The following MYO18A variants were observed in gnomAD, a reference collection of about 807,000 sequenced individuals.
The protein encoded by MYO18A is myosin XVIIIA.
In MYO18A, 78 loss-of-function variants were observed where a neutral mutation model predicts 235.8. The ratio of observed to expected loss-of-function variants is 0.33; its 90% CI spans 0.28 to 0.40. MYO18A has a LOEUF of 0.40. Ranked by LOEUF, MYO18A falls within the 10% of genes least tolerant of loss-of-function variation. The pLI is 1.00. For missense variants in MYO18A, 2,215 were observed against 2,699.3 expected (o/e 0.82, Z 3.98); for synonymous variants, 977 against 1,077.8 (o/e 0.91, Z 1.83).
intron 2 of MYO18A, among the ~76,000 whole-genome samples, chr17:29,144,955 A>G (rs1334812956): frequency 6.6e-6 from 1 of 152,242 alleles, no homozygotes; most frequent in African/African-American, 2.4e-5. Context: ...GCTGCAGGAA[A>G]GCATAATAGT....
chr17:29,111,789 C>T lies in MYO18A; in HGVS notation c.2673G>A (p.Gly891=). 1 of 1,613,810 alleles carries T rather than the reference C, an allele frequency of 6.2e-7. No individual in the cohort carries two copies. The highest frequency in any genetic ancestry group is 8.5e-7 in the Non-Finnish European group (1 of 1,179,782). ...WLLEEEALVP[G]ASEDTLLERL... The stretch of plus-strand genomic sequence containing the variant: ...GCTCCAGGAGGGTGTCCTCACTGGC[C>T]CCTGGCACCAGAGCCTCCTCTTCCA... Residue 891 remains glycine, a synonymous_variant, in exon 16 of 42, where the codon GGG becomes GGA. Coordinates refer to ENST00000527372, the MANE Select transcript of MYO18A (RefSeq NM_078471.4). The surrounding 1 kb of genome is among the most constrained non-coding windows in gnomAD (Gnocchi z 5.1).
intron 22 of MYO18A, 102 bp from the exon 23 acceptor site, chr17:29,099,071 T>A: frequency 6.9e-7 from 1 of 1,450,270 alleles, no homozygotes; most frequent in Non-Finnish European, 9.4e-7. Context: ...CCAGGGCTGC[T>A]CCTCTGGCCC....
intron 1 of MYO18A, among the ~76,000 whole-genome samples, chr17:29,176,101 A>C (rs1486421453): frequency 6.6e-6 from 1 of 152,186 alleles, no homozygotes; most frequent in Admixed American, 6.5e-5. Context: ...AAAATTTATC[A>C]GTGGTCATCT....
intron 32 of MYO18A, 59 bp downstream of exon 32, chr17:29,093,264 C>G: frequency 3.4e-6 from 5 of 1,454,346 alleles, no homozygotes; most frequent in Non-Finnish European, 4.7e-6. Context: ...AGGATCCCCA[C>G]TCCTCAGGCC....
At chr17:29,148,702 C>T (rs1265276026) in intron 2 of MYO18A, among the ~76,000 whole-genome samples, 1 of 152,072 alleles carries the variant, frequency 6.6e-6, no homozygotes, top group Non-Finnish European at 1.5e-5. Flanking sequence ...TTATGAAATT[C>T]TACCAGTGCC....
At position 29,096,752 on chromosome 17, in the gene MYO18A, C is replaced by T. The variant is rs1433118079; in HGVS notation, c.4385+9G>A. 2 of 1,588,498 alleles carry T rather than the reference C, an allele frequency of 1.3e-6. No homozygotes were observed. The highest frequency in any genetic ancestry group is 1.3e-5 in the African/African-American group (1 of 74,290). On this transcript the variant is annotated intron_variant, in intron 28 of 41. Coordinates refer to ENST00000527372, the MANE Select transcript of MYO18A (RefSeq NM_078471.4). ...GGTTCTCTGGGCCCAGGGCAGGGGG[C>T]CCACCCACCTCCTCTGCTTCTTCTC...
chr17:29,092,334 G>A lies in MYO18A; in HGVS notation c.5187+9C>T. ...CCCGAGCTCTGCCCCGGGCACCTTG[G>A]CCCCTCACCGCTGTCTTGGCTTTGG... is the stretch of plus-strand genomic sequence containing the variant. On this transcript the variant is annotated intron_variant, in intron 34 of 41. Coordinates refer to ENST00000527372, the MANE Select transcript of MYO18A (RefSeq NM_078471.4). 2 of 1,604,508 alleles carry A rather than the reference G, an allele frequency of 1.2e-6. No individual in the cohort carries two copies. Among genetic ancestry groups the A allele is most frequent in the Non-Finnish European group, 1.7e-6 (2 of 1,176,742 alleles).
At chr17:29,102,511 T>A (rs894872833) in intron 21 of MYO18A, among the ~76,000 whole-genome samples, 2 of 150,138 alleles carry the variant, frequency 1.3e-5, no homozygotes, top group African/African-American at 4.9e-5. Flanking sequence ...GACACAGAGG[T>A]AGACAAAGCA....
intron 1 of MYO18A, among the ~76,000 whole-genome samples, chr17:29,178,109 G>T (rs1310687202): frequency 1.3e-5 from 2 of 152,146 alleles, no homozygotes; most frequent in Non-Finnish European, 1.5e-5. Flanking sequence ...AGTCCTCAAT[G>T]AATAGCCACT....
chr17:29,179,227 C>G (rs940636216), intron 1 of MYO18A, among the ~76,000 whole-genome samples: 1 of 152,154 alleles, frequency 6.6e-6, no homozygotes, highest in African/African-American at 2.4e-5. Flanking sequence ...AATGAATACC[C>G]GCTCAAAAAC....
rs766447004 is a variant in MYO18A at position 29,087,064 on chromosome 17, G to T, written c.5584C>A (p.Arg1862Ser). Residue 1862 changes from arginine to serine, a missense_variant, in exon 38 of 42, where the codon CGC becomes AGC. Coordinates refer to ENST00000527372, the MANE Select transcript of MYO18A (RefSeq NM_078471.4). ...TTCTCCCGGTTCTCGGCTGCAATGC[G>T]CTGATCCCGCTCCTCAGTCAGCTTC... ...MEKLTEERDQ[R>S]IAAENREKEQ... The T allele has an allele frequency of 3.1e-6, 5 of 1,613,862 alleles. No homozygotes were observed. In the African/African-American group the frequency reaches 6.7e-5, roughly 22 times the overall value.
At chr17:29,101,188 G>A (rs2066644454) in intron 21 of MYO18A, among the ~76,000 whole-genome samples, 1 of 151,840 alleles carries the variant, frequency 6.6e-6, no homozygotes, top group East Asian at 1.9e-4. Flanking sequence ...TGTAGAGATG[G>A]GGTCTCCCTA....
chr17:29,135,712 G>A (rs957730838), intron 2 of MYO18A, among the ~76,000 whole-genome samples: 1 of 152,228 alleles, frequency 6.6e-6, no homozygotes, highest in African/African-American at 2.4e-5. Flanking sequence ...GAACACAGAT[G>A]TGGGGCTCTC....
At position 29,090,842 on chromosome 17, in the gene MYO18A, A is replaced by G. The variant is rs2066380729; in HGVS notation, c.5272T>C (p.Leu1758=). Residue 1758 remains leucine (L), a synonymous_variant, in exon 35 of 42, where the codon TTG becomes CTG. Transcript: ENST00000527372. ...LEEDQEDMNE[L]MKKHKAAVAQ... ...ACGGCAGCCTTGTGCTTCTTCATCA[A>G]TTCGTTCATGTCTTCCTGATCTTCC... 4 of 1,614,000 alleles carry G rather than the reference A, an allele frequency of 2.5e-6. No homozygotes were observed. The highest frequency in any genetic ancestry group is 3.4e-6 in the Non-Finnish European group (4 of 1,179,886).
intron 37 of MYO18A, among the ~76,000 whole-genome samples, chr17:29,089,397 G>A (rs2066338559): frequency 8.2e-6 from 1 of 122,194 alleles, no homozygotes; most frequent in Non-Finnish European, 1.6e-5. Flanking sequence ...CTCAAGCCTG[G>A]CGACAGAGTG....
chr17:29,080,369 G>A, intron 41 of MYO18A: 1 of 986,322 alleles, frequency 1.0e-6, no homozygotes, highest in Non-Finnish European at 1.2e-6. Context: ...GGCCGGGGTG[G>A]CACCGACAGA....
chr17:29,162,849 C>A (rs9900718), intron 2 of MYO18A, among the ~76,000 whole-genome samples: 1 of 152,192 alleles, frequency 6.6e-6, no homozygotes, highest in African/African-American at 2.4e-5. Flanking sequence ...ACCCCTGCTC[C>A]CAGCGGAACC....
intron 20 of MYO18A, among the ~76,000 whole-genome samples, chr17:29,105,908 G>T (rs1177918663): frequency 6.6e-6 from 1 of 152,220 alleles, no homozygotes; most frequent in Non-Finnish European, 1.5e-5. Context: ...GACACCCAGA[G>T]GCTGGCGCTT....
chr17:29,121,960 G>A lies in MYO18A; in HGVS notation c.1088-3C>T, dbSNP rs1460604694. 3 of 1,613,636 alleles carry A rather than the reference G, an allele frequency of 1.9e-6. No individual in the cohort carries two copies. ...CTCCTCAGATTTGAGTTGACTGGCT[G>A]CAGGGGAGGGACAGACAGCTGGGAT... On this transcript the variant is annotated splice_region_variant and splice_polypyrimidine_tract_variant and intron_variant, in intron 3 of 41. Coordinates refer to ENST00000527372, the MANE Select transcript of MYO18A (RefSeq NM_078471.4). The surrounding 1 kb of genome is among the most constrained non-coding windows in gnomAD (Gnocchi z 4.2).
Sources: allele counts gnomAD v4.1 joint callset (sites outside exome capture counted in the v4.1 genomes callset), GRCh38; gene constraint gnomAD v4.1.1; non-coding constraint Gnocchi (gnomAD v3.1); transcripts MANE v1.5; gene names NCBI Gene and HGNC (gene_info 2026-07-23, HGNC 2026-07-21).